The following OSMR variants were observed in gnomAD, a reference collection of about 807,000 sequenced individuals.
OSMR encodes the protein oncostatin M receptor.
A neutral mutation model predicts 99.9 loss-of-function variants in OSMR; 81 were observed. That is an observed-to-expected ratio of 0.81 (90% confidence interval 0.68 to 0.97). The LOEUF (loss-of-function observed/expected upper bound fraction) is 0.97. OSMR is among the 50% of genes least tolerant of loss of function. The pLI, the probability that OSMR is intolerant of heterozygous loss-of-function variation, is 0.00. For missense variants in OSMR, 1,099 were observed against 1,153.4 expected (o/e 0.95, Z 0.68); for synonymous variants, 406 against 410.4 (o/e 0.99, Z 0.13).
intron 1 of OSMR, among the ~76,000 whole-genome samples, chr5:38,860,981 C>G (rs1741240885): frequency 6.6e-6 from 1 of 152,156 alleles, no homozygotes; most frequent in South Asian, 2.1e-4. Context: ...ATGTCCTTGA[C>G]TAATTCATAG....
chr5:38,866,076 G>A (rs1033744994), intron 1 of OSMR, among the ~76,000 whole-genome samples: 6 of 152,208 alleles, frequency 3.9e-5, no homozygotes, highest in Non-Finnish European at 7.3e-5. Context: ...AGCAGGCTGG[G>A]GGAGGCCTGT....
chr5:38,862,272 G>A (rs1485898894), intron 1 of OSMR, among the ~76,000 whole-genome samples: 2 of 111,912 alleles, frequency 1.8e-5, no homozygotes, highest in Admixed American at 7.9e-5. Context: ...TCCCGGACGG[G>A]GCGGCTGGCT....
At chr5:38,917,981 A>T (rs925877676) in intron 10 of OSMR, among the ~76,000 whole-genome samples, 1 of 152,214 alleles carries the variant, frequency 6.6e-6, no homozygotes, top group African/African-American at 2.4e-5. Context: ...AATCAAGCTT[A>T]AAAATTGTAA....
chr5:38,905,707 C>T (rs997838533), intron 9 of OSMR, among the ~76,000 whole-genome samples: 1 of 152,148 alleles, frequency 6.6e-6, no homozygotes, highest in Non-Finnish European at 1.5e-5. Flanking sequence ...AGCCTGACAC[C>T]AGAGCTCCAC....
chr5:38,918,503 C>T (rs1160042325), intron 10 of OSMR, among the ~76,000 whole-genome samples: 1 of 152,116 alleles, frequency 6.6e-6, no homozygotes, highest in East Asian at 1.9e-4. Flanking sequence ...GCTGTTTGTA[C>T]TCATTGCTTT....
intron 4 of OSMR, among the ~76,000 whole-genome samples, chr5:38,883,301 G>C (rs1036332770): frequency 6.6e-6 from 1 of 152,212 alleles, no homozygotes; most frequent in East Asian, 1.9e-4. Context: ...TGAGGGACTC[G>C]CATTTCTGAG....
At chr5:38,852,948 G>T (rs1740531612) in intron 1 of OSMR, among the ~76,000 whole-genome samples, 1 of 151,556 alleles carries the variant, frequency 6.6e-6, no homozygotes. Context: ...AGCCAGGATG[G>T]TCTCGATCTC....
chr5:38,924,877 CT>C lies in OSMR; in HGVS notation c.2044+292del, dbSNP rs3056139. Among the ~76,000 whole-genome samples the C allele has an allele frequency of 4.4e-4, 65 of 149,116 alleles. 1 individual carries two copies. Among genetic ancestry groups the C allele is most frequent in the South Asian group, 1.7e-3 (8 of 4,718 alleles). Reference sequence around the variant, plus strand: ...AGCCTGGCCTTTATGAAACTTTCCTCTTTTTTTTTTCACTTTATTGAGCATT... The same window carrying C: ...AGCCTGGCCTTTATGAAACTTTCCTCTTTTTTTTTCACTTTATTGAGCATT... On this transcript the variant is annotated intron_variant, in intron 14 of 17. Coordinates refer to ENST00000274276, the MANE Select transcript of OSMR (RefSeq NM_003999.3).
chr5:38,864,043 T>C (rs1741734316), intron 1 of OSMR, among the ~76,000 whole-genome samples: 1 of 152,228 alleles, frequency 6.6e-6, no homozygotes, highest in African/African-American at 2.4e-5. Context: ...TATATGTATC[T>C]TTATGGGTAA....
chr5:38,882,377 C>G (rs1209510184), intron 4 of OSMR, among the ~76,000 whole-genome samples: 1 of 152,198 alleles, frequency 6.6e-6, no homozygotes, highest in East Asian at 1.9e-4. Context: ...GAGTTCAAGA[C>G]CAGCCTGGGA....
In OSMR at chr5:38,933,681, G is replaced by C. The variant is rs1746889841; in HGVS notation, c.*237G>C. ...CATGGGAGCATGCTTACCTTCTGCT[G>C]TTTGTTCCAGGCTCACCTTTAGAAC... On this transcript the variant is annotated 3_prime_UTR_variant, in exon 18 of 18. Coordinates refer to ENST00000274276, the MANE Select transcript of OSMR (RefSeq NM_003999.3). 1.8e-6 allele frequency: 1 copy of C among 554,898 alleles called. No individual in the cohort carries two copies. Among genetic ancestry groups the C allele is most frequent in the East Asian group, 3.1e-5 (1 of 32,128 alleles). 34.4% of individuals were successfully genotyped at this position (554,898 alleles called of 1,614,324 possible).
rs542459630 is a variant in OSMR at position 38,854,042 on chromosome 5, T to TA, written c.-14+7669dup. The stretch of plus-strand genomic sequence containing the variant: ...TCAAATATATAACTGGCAGTACTCT[T>TA]AAAAAAAAAAAAAAGATAACCGAGC... On this transcript the variant is annotated intron_variant, in intron 1 of 17. Coordinates refer to ENST00000274276, the MANE Select transcript of OSMR (RefSeq NM_003999.3). Among the ~76,000 whole-genome samples, 1,387 of 139,484 alleles carry TA rather than the reference T, an allele frequency of 9.9e-3. 6 individuals are homozygous for TA. Among genetic ancestry groups the TA allele is most frequent in the Non-Finnish European group, 0.014 (918 of 63,908 alleles). 91.5% of individuals were successfully genotyped at this position (139,484 alleles called of 152,430 possible).
rs563482903 is a variant in OSMR, at chr5:38,931,723, C to T, written c.2213-160C>T. 3.2e-5 allele frequency: 31 copies of T among 980,400 alleles called. No individual in the cohort carries two copies. In the Admixed American group the frequency reaches 3.7e-4, roughly 12 times the overall value. The allele number at this position is 980,400 out of a possible 1,614,324, so 60.7% of individuals were successfully genotyped here. A position where few individuals can be genotyped will look rare whatever the true frequency, so the allele number is the denominator to read the frequency against. Reference sequence around the variant, plus strand: ...GTTGGTTGGCTAGTTGGTTGGTTGGCTTTTCCCCTGAAGTCAGGCAGAATT... The same window carrying T: ...GTTGGTTGGCTAGTTGGTTGGTTGGTTTTTCCCCTGAAGTCAGGCAGAATT... On this transcript the variant is annotated intron_variant, in intron 15 of 17. Coordinates refer to ENST00000274276, the MANE Select transcript of OSMR (RefSeq NM_003999.3).
Position 38,906,810 on chromosome 5 carries a change from G to A in OSMR, c.1285+2307G>A, listed in dbSNP as rs368366664. 2.1e-4 allele frequency among the ~76,000 whole-genome samples: 32 copies of A among 152,192 alleles called. No individual in the cohort carries two copies. In the East Asian group the frequency reaches 5.0e-3, roughly 24 times the overall value. The stretch of plus-strand genomic sequence containing the variant: ...CATTTTAATGTTATGTTCCAAAACA[G>A]TTCTTCTTTCAAAGAAATGTTCTGA... On this transcript the variant is annotated intron_variant, in intron 9 of 17. Coordinates refer to ENST00000274276, the MANE Select transcript of OSMR (RefSeq NM_003999.3).
chr5:38,874,555 A>G (rs998723679), intron 2 of OSMR, among the ~76,000 whole-genome samples: 2 of 152,188 alleles, frequency 1.3e-5, no homozygotes, highest in African/African-American at 2.4e-5. Context: ...TTTGTCTTGT[A>G]TCCACCAGGA....
intron 9 of OSMR, among the ~76,000 whole-genome samples, chr5:38,915,182 G>T (rs1421363293): frequency 1.3e-5 from 2 of 152,170 alleles, no homozygotes; most frequent in Non-Finnish European, 2.9e-5. Context: ...CATGCACAAA[G>T]AAGTCTGGAG....
chr5:38,851,823 G>C (rs357289), intron 1 of OSMR, among the ~76,000 whole-genome samples: 1 of 151,904 alleles, frequency 6.6e-6, no homozygotes, highest in Non-Finnish European at 1.5e-5. Context: ...GAATCATGGG[G>C]GCAGTTTCCC....
In OSMR at chr5:38,933,291, GGACA is replaced by G. The variant is rs1233732732; in HGVS notation, c.2789_2792del (p.Asp930ValfsTer7). On this transcript the variant is annotated frameshift_variant, in exon 18 of 18. Transcript: ENST00000274276. LOFTEE classifies it low-confidence loss of function (END_TRUNC). ...TGGCTTCACCCATGTTTGGAGACAA[GGACA>G]GTCTCCCAACAAACCCAGTAGAGGC... The G allele has an allele frequency of 6.2e-7, 1 of 1,614,114 alleles. No homozygotes were observed. The highest frequency in any genetic ancestry group is 1.1e-5 in the South Asian group (1 of 91,074).
intron 2 of OSMR, 38 bp from the exon 3 acceptor site, chr5:38,876,163 A>G (rs1487762524): frequency 1.3e-6 from 2 of 1,589,132 alleles, no homozygotes; most frequent in East Asian, 2.2e-5. Context: ...TCATGCTCCT[A>G]TTAAATATTA....
Sources: gnomAD v4.1 joint callset for allele counts (sites outside exome capture counted in the v4.1 genomes callset) on GRCh38, gnomAD v4.1.1 for gene constraint, MANE v1.5 for transcripts, NCBI Gene and HGNC (gene_info 2026-07-23, HGNC 2026-07-21) for gene names.